The following IMPG1 variants were observed in gnomAD, a reference collection of about 807,000 sequenced individuals.
IMPG1 encodes interphotoreceptor matrix proteoglycan of 150 kDa.
Under a neutral mutation model 92.0 loss-of-function variants are expected in IMPG1, and 85 were observed. The observed-to-expected ratio is 0.92, with a 90% CI of 0.78 to 1.11. IMPG1 has a LOEUF of 1.11. IMPG1 is among the 50% of genes least tolerant of loss of function. IMPG1 has a pLI of 0.00. For synonymous variants in IMPG1, 367 were observed against 334.1 expected (o/e 1.10, Z -1.08); for missense variants, 1,022 against 956.0 (o/e 1.07, Z -0.91).
chr6:76,012,264 G>T (rs369662015), intron 7 of IMPG1, among the ~76,000 whole-genome samples: 44 of 152,156 alleles, frequency 2.9e-4, no homozygotes, highest in African/African-American at 9.4e-4. Flanking sequence ...TTCTCTCCAG[G>T]CCACTGTCTC....
chr6:75,955,154 T>C (rs553019590), intron 12 of IMPG1, among the ~76,000 whole-genome samples: 1 of 152,336 alleles, frequency 6.6e-6, no homozygotes, highest in East Asian at 1.9e-4. Flanking sequence ...GTGAAGAAAG[T>C]CAACAGTAGC....
rs1783116788 is a variant in IMPG1 at position 76,007,417 on chromosome 6, T to C, written c.887+63A>G. The C allele has an allele frequency of 2.5e-6, 3 of 1,215,310 alleles. No homozygotes were observed. The East Asian group carries it at 7.1e-5, about 29-fold the overall frequency. The allele number at this position is 1,215,310 out of a possible 1,614,324, so 75.3% of individuals were successfully genotyped here. A position where few individuals can be genotyped will look rare whatever the true frequency, so the allele number is the denominator to read the frequency against. ...ATATGTAAAAATTATTTGTGCAAAATCAGTATATAAATTTGGGGGAGACGG... is the reference window on the plus strand; with the variant it reads ...ATATGTAAAAATTATTTGTGCAAAACCAGTATATAAATTTGGGGGAGACGG... On this transcript the variant is annotated intron_variant, in intron 9 of 16. Transcript: ENST00000369950.
rs530162379 is a variant in IMPG1, at chr6:75,992,780, C to A, written c.1291+10138G>T. 3.3e-5 allele frequency among the ~76,000 whole-genome samples: 5 copies of A among 152,304 alleles called. No individual in the cohort carries two copies. The South Asian group carries it at 1.0e-3, about 32-fold the overall frequency. On this transcript the variant is annotated intron_variant, in intron 12 of 16. Coordinates refer to ENST00000369950, the MANE Select transcript of IMPG1 (RefSeq NM_001563.4). ...TCCCTGAAACTCACTCCAGTCTCTG[C>A]AGCTTTGCTTATGAAACTTATTATA... is the stretch of plus-strand genomic sequence containing the variant.
chr6:76,063,926 G>A (rs1280548021), intron 1 of IMPG1, among the ~76,000 whole-genome samples: 1 of 152,192 alleles, frequency 6.6e-6, no homozygotes, highest in Non-Finnish European at 1.5e-5. Context: ...TGGACTGAGA[G>A]TAACTGCACT....
chr6:76,021,274 G>A (rs985178073), intron 6 of IMPG1, among the ~76,000 whole-genome samples: 9 of 151,970 alleles, frequency 5.9e-5, no homozygotes, highest in South Asian at 2.1e-4. Flanking sequence ...AAATTGTCTC[G>A]CCTTTCTGTA....
At chr6:76,007,896 G>C (rs1783124471) in intron 8 of IMPG1, among the ~76,000 whole-genome samples, 1 of 152,146 alleles carries the variant, frequency 6.6e-6, no homozygotes, top group Non-Finnish European at 1.5e-5. Context: ...TTTGTAAATG[G>C]ATTTCTCAGC....
Position 76,034,699 on chromosome 6 carries a change from G to A in IMPG1, c.390C>T (p.Cys130=). ...TGEYQDWVSI[C]QQETFCLFDI... is the part of the protein sequence containing the mutation. The stretch of plus-strand genomic sequence containing the variant: ...CAAAGAGGCAGAAGGTCTCCTGCTG[G>A]CAGATGCTGACCCAGTCCTGATATT... Residue 130 remains cysteine (C), a synonymous_variant, in exon 3 of 17, where the codon TGC becomes TGT. Transcript: ENST00000369950. The A allele has an allele frequency of 6.2e-7, 1 of 1,614,066 alleles. No individual in the cohort carries two copies. The highest frequency in any genetic ancestry group is 8.5e-7 in the Non-Finnish European group (1 of 1,179,984).
intron 12 of IMPG1, among the ~76,000 whole-genome samples, chr6:75,998,743 C>G (rs17802365): frequency 6.6e-6 from 1 of 152,082 alleles, no homozygotes; most frequent in Non-Finnish European, 1.5e-5. Context: ...CCAAACCAAA[C>G]CACAAAAAAT....
intron 5 of IMPG1, 181 bp downstream of exon 5, chr6:76,025,013 T>A: frequency 1.6e-6 from 1 of 632,860 alleles, no homozygotes; most frequent in Non-Finnish European, 2.9e-6. Flanking sequence ...TTTATTCTTT[T>A]CTGTATTTTC....
chr6:76,014,090 T>C (rs1202422227), intron 7 of IMPG1, among the ~76,000 whole-genome samples: 1 of 152,190 alleles, frequency 6.6e-6, no homozygotes, highest in Non-Finnish European at 1.5e-5. Context: ...GATCCTGAGT[T>C]TATTGCTTAA....
At chr6:76,032,952 C>G (rs991436042) in intron 4 of IMPG1, among the ~76,000 whole-genome samples, 2 of 152,126 alleles carry the variant, frequency 1.3e-5, no homozygotes, top group Admixed American at 1.3e-4. Flanking sequence ...AGTGAAAGTT[C>G]TAGCAAGAAA....
chr6:75,959,239 A>T (rs948582113), intron 12 of IMPG1, among the ~76,000 whole-genome samples: 1 of 152,084 alleles, frequency 6.6e-6, no homozygotes, highest in Non-Finnish European at 1.5e-5. Flanking sequence ...TTCCTTTGGA[A>T]GCTCCATCCC....
chr6:75,935,045 C>T (rs1161187307), intron 14 of IMPG1: 1 of 469,558 alleles, frequency 2.1e-6, no homozygotes, highest in East Asian at 6.9e-5. Context: ...CCCGTTGGGT[C>T]TCTCTTTCGT....
intron 1 of IMPG1, among the ~76,000 whole-genome samples, chr6:76,044,315 A>T (rs1446231448): frequency 6.6e-6 from 1 of 152,204 alleles, no homozygotes; most frequent in East Asian, 1.9e-4. Context: ...TTATATTTGA[A>T]TTGCCATTTA....
intron 12 of IMPG1, among the ~76,000 whole-genome samples, chr6:75,957,652 A>C (rs977360573): frequency 6.6e-6 from 1 of 152,226 alleles, no homozygotes; most frequent in East Asian, 1.9e-4. Context: ...TCTCTTTGCC[A>C]TTATGTAATG....
chr6:75,939,302 A>G (rs1032409268), intron 14 of IMPG1, among the ~76,000 whole-genome samples: 1 of 151,768 alleles, frequency 6.6e-6, no homozygotes, highest in Admixed American at 6.6e-5. Context: ...GCACCCATTA[A>G]CTCTTCATTT....
chr6:76,003,910 T>C lies in IMPG1; in HGVS notation c.1176A>G (p.Gln392=), dbSNP rs1299078274. The part of the protein sequence containing the change: ...GSLPAFGPDT[Q]SELPTSFAVI... ...CAGCAAAAGATGTGGGCAGCTCTGA[T>C]TGGGTGTCAGGACCAAAGGCTGGCA... The change falls in exon 11 of 17, where the codon CAA becomes CAG. Residue 392 remains glutamine, a synonymous_variant. Transcript: ENST00000369950. The C allele has an allele frequency of 5.6e-6, 9 of 1,613,344 alleles. No individual in the cohort carries two copies. Among genetic ancestry groups the C allele is most frequent in the African/African-American group, 4.0e-5 (3 of 74,884 alleles).
intron 1 of IMPG1, among the ~76,000 whole-genome samples, chr6:76,054,532 G>A (rs1784090305): frequency 1.3e-5 from 2 of 151,986 alleles, no homozygotes; most frequent in South Asian, 2.1e-4. Context: ...AAGACACAGA[G>A]GTTAAAATGA....
intron 4 of IMPG1, among the ~76,000 whole-genome samples, chr6:76,033,745 G>T (rs192218699): frequency 2.2e-4 from 33 of 152,316 alleles, no homozygotes; most frequent in African/African-American, 7.0e-4. Flanking sequence ...TATGTAATTT[G>T]TGAGTTTAGA....
Sources: gnomAD v4.1 joint callset for allele counts (sites outside exome capture counted in the v4.1 genomes callset) on GRCh38, gnomAD v4.1.1 for gene constraint, MANE v1.5 for transcripts, NCBI Gene and HGNC (gene_info 2026-07-23, HGNC 2026-07-21) for gene names.